The following TRIM37 variants were observed in gnomAD, a reference collection of about 807,000 sequenced individuals.
TRIM37 encodes the protein E3 ubiquitin-protein ligase TRIM37.
A neutral mutation model predicts 129.8 loss-of-function variants in TRIM37; 80 were observed. The ratio of observed to expected loss-of-function variants is 0.62; its 90% confidence interval spans 0.51 to 0.74. The LOEUF is 0.74. Among genes scored for constraint, TRIM37 ranks in the 30% least tolerant of loss-of-function variants. TRIM37 has a pLI of 0.00. For missense variants in TRIM37, 1,054 were observed against 1,176.5 expected, an observed-to-expected ratio of 0.90 and a Z score of 1.52; for synonymous variants, 389 against 387.1, an observed-to-expected ratio of 1.00 and a Z score of -0.06.
Position 59,106,857 on chromosome 17 carries a change from G to A in TRIM37, c.-396C>T, listed in dbSNP as rs892757751. On this transcript the variant is annotated 5_prime_UTR_variant, in exon 1 of 24. Coordinates refer to ENST00000262294, the MANE Select transcript of TRIM37 (RefSeq NM_015294.6). ...CACCAACCGTAACCAGAGCAGCTGG[G>A]GGCGCGGCGGCGAGAGAAGCTGCGA... is the stretch of plus-strand genomic sequence containing the variant. The A allele has an allele frequency of 2.1e-5, 7 of 340,728 alleles. No individual in the cohort carries two copies. Among genetic ancestry groups the A allele is most frequent in the South Asian group, 3.4e-5 (1 of 29,540 alleles). The allele number at this position is 340,728 out of a possible 1,614,324, so 21.1% of individuals were successfully genotyped here.
rs949962272 is a variant in TRIM37, at chr17:59,071,014, G to A, written c.685-67C>T. 115 of 1,567,760 alleles carry A rather than the reference G, an allele frequency of 7.3e-5. 2 individuals carry two copies. The Admixed American group carries it at 1.8e-3, about 24-fold the overall frequency. ...TTCACTGCCACCTCAAAATTCTTAA[G>A]AAATTACAAATTATTCTGATTATAA... On this transcript the variant is annotated intron_variant, in intron 8 of 23. Transcript: ENST00000262294.
intron 12 of TRIM37, among the ~76,000 whole-genome samples, chr17:59,057,341 A>G (rs1288256560): frequency 1.3e-5 from 2 of 152,102 alleles, no homozygotes; most frequent in Non-Finnish European, 2.9e-5. Flanking sequence ...CGGCCTACAG[A>G]GTAGCTGAGA....
chr17:59,088,220 C>G (rs780008880), intron 4 of TRIM37, 71 bp downstream of exon 4: 1 of 942,390 alleles, frequency 1.1e-6, no homozygotes, highest in African/African-American at 1.6e-5. Flanking sequence ...AAGGCAACTA[C>G]CAATATAGTG....
chr17:59,074,256 A>T (rs1031959405), intron 8 of TRIM37, among the ~76,000 whole-genome samples: 1 of 152,358 alleles, frequency 6.6e-6, no homozygotes, highest in East Asian at 1.9e-4. Flanking sequence ...GTCATTGACC[A>T]AAAGGTCATA....
rs929301857 is a variant in TRIM37, at chr17:59,031,926, G to A, written c.1918C>T (p.Arg640Cys). 23 of 1,613,834 alleles carry A rather than the reference G, an allele frequency of 1.4e-5. No homozygotes were observed. The highest frequency in any genetic ancestry group is 4.4e-5 in the South Asian group (4 of 91,066). Residue 640 changes from arginine to cysteine, a missense_variant, in exon 18 of 24, where the codon CGC becomes TGC. By Grantham distance (180) the Arg-to-Cys change is radical. Around this residue, in one of 3 missense-constraint regions of TRIM37, gnomAD observed 752 missense variants for 870.8 expected, o/e 0.86. Coordinates refer to ENST00000262294, the MANE Select transcript of TRIM37 (RefSeq NM_015294.6). Reference protein sequence around the residue: ...SIENLWGLQPRPPASLLQPTA... With the variant: ...SIENLWGLQPCPPASLLQPTA... The stretch of plus-strand genomic sequence containing the variant: ...GGCTGCAGAAGTGAAGCAGGTGGGC[G>A]AGGCTGTAAGCCCCACAAATTTTCT...
At position 59,032,146 on chromosome 17, in the gene TRIM37, A is replaced by G. The variant is rs376527772; in HGVS notation, c.1754-56T>C. The G allele has an allele frequency of 1.6e-4, 244 of 1,528,188 alleles. 5 individuals carry two copies. The South Asian group carries it at 1.8e-3, about 11-fold the overall frequency. 94.7% of individuals were successfully genotyped at this position (1,528,188 alleles called of 1,614,324 possible). On this transcript the variant is annotated intron_variant, in intron 17 of 23. Transcript: ENST00000262294. The stretch of plus-strand genomic sequence containing the variant: ...TATGCACAAACTTAGCTATACTTAA[A>G]TGAAAAAATGAACTGGTTAACATTA...
In TRIM37 at chr17:59,106,850, C is replaced by A. The variant is rs886053184; in HGVS notation, c.-389G>T. 2.0e-5 allele frequency: 7 copies of A among 358,206 alleles called. No individual in the cohort carries two copies. The highest frequency in any genetic ancestry group is 8.8e-5 in the African/African-American group (4 of 45,424). The allele number at this position is 358,206 out of a possible 1,614,324, so 22.2% of individuals were successfully genotyped here. On this transcript the variant is annotated 5_prime_UTR_variant, in exon 1 of 24. Transcript: ENST00000262294. ...TCGCAAACACCAACCGTAACCAGAG[C>A]AGCTGGGGGCGCGGCGGCGAGAGAA... is the stretch of plus-strand genomic sequence containing the variant.
In TRIM37 at chr17:59,081,088, T is replaced by C; in HGVS notation, c.492+9A>G. The C allele has an allele frequency of 1.9e-6, 3 of 1,589,668 alleles. No individual in the cohort carries two copies. Among genetic ancestry groups the C allele is most frequent in the Non-Finnish European group, 2.6e-6 (3 of 1,163,506 alleles). On this transcript the variant is annotated intron_variant, in intron 6 of 23. Transcript: ENST00000262294. ...AAACAAAATAATTATATTTTAGTAG[T>C]AGTCTTACCACTTCTTGAACTAAGC...
intron 24 of TRIM37, chr17:58,984,854 T>G (rs1221337997): frequency 1.3e-5 from 2 of 152,476 alleles, no homozygotes; most frequent in African/African-American, 4.8e-5. Flanking sequence ...CAGTTGTTTT[T>G]GAAAAGGAAA....
At chr17:58,973,437 A>G in the TRIM37 span, among the ~76,000 whole-genome samples, 3 of 151,434 alleles carry the variant, frequency 2.0e-5, no homozygotes, top group African/African-American at 2.4e-5. Flanking sequence ...AAAGAGAACC[A>G]TATCAAGAAA....
chr17:59,056,716 C>CAAGAAA (rs2040933670), intron 13 of TRIM37, among the ~76,000 whole-genome samples, 159 bp downstream of exon 13: 1 of 38,038 alleles, frequency 2.6e-5, no homozygotes, highest in East Asian at 9.0e-4. Flanking sequence ...ACTATGTCTC[C>CAAGAAA]AAAAAAAAAA....
intron 22 of TRIM37, among the ~76,000 whole-genome samples, chr17:59,005,291 C>CT (rs917161086): frequency 1.4e-4 from 21 of 149,518 alleles, no homozygotes; most frequent in East Asian, 3.9e-4. Flanking sequence ...ACATGTGTAT[C>CT]TTTTTTTTTT....
chr17:58,983,637 T>C (rs547734344), intron 24 of TRIM37: 1 of 152,770 alleles, frequency 6.5e-6, no homozygotes, highest in Admixed American at 6.5e-5. Context: ...AGTATCTATA[T>C]AATATCTATA....
At chr17:59,038,796 A>C (rs1357822101) in intron 17 of TRIM37, among the ~76,000 whole-genome samples, 1 of 152,208 alleles carries the variant, frequency 6.6e-6, no homozygotes, top group Non-Finnish European at 1.5e-5. Flanking sequence ...CCTATACTTA[A>C]AGAATAAACT....
Position 58,998,290 on chromosome 17 carries a change from C to T in TRIM37, c.*1087G>A. 2 of 985,366 alleles carry T rather than the reference C, an allele frequency of 2.0e-6. No individual in the cohort carries two copies. The highest frequency in any genetic ancestry group is 2.4e-6 in the Non-Finnish European group (2 of 829,888). The allele number at this position is 985,366 out of a possible 1,614,324, so 61.0% of individuals were successfully genotyped here. A position where few individuals can be genotyped will look rare whatever the true frequency, so the allele number is the denominator to read the frequency against. On this transcript the variant is annotated 3_prime_UTR_variant, in exon 24 of 24. Coordinates refer to ENST00000262294, the MANE Select transcript of TRIM37 (RefSeq NM_015294.6). ...TCACAGCATTCAGCAAGACATCAGA[C>T]ACGGAAGAGTGAACAATATTCACTA...
the TRIM37 span, among the ~76,000 whole-genome samples, chr17:58,971,802 GA>G: frequency 1.3e-5 from 2 of 152,188 alleles, no homozygotes; most frequent in Non-Finnish European, 2.9e-5. Flanking sequence ...GGAGGAAAAA[GA>G]ATTTCAATTC....
chr17:58,986,367 T>G (rs2031810850), intron 24 of TRIM37, among the ~76,000 whole-genome samples: 1 of 148,772 alleles, frequency 6.7e-6, no homozygotes, highest in African/African-American at 2.5e-5. Flanking sequence ...CCCAGCTCAT[T>G]TTATTATTAT....
At chr17:58,990,716 G>A (rs563893295) in intron 24 of TRIM37, among the ~76,000 whole-genome samples, 75 of 146,516 alleles carry the variant, frequency 5.1e-4, no homozygotes, top group Middle Eastern at 3.8e-3. Context: ...ACTTGAACCC[G>A]GGAGGCAGAG....
downstream of TRIM37, among the ~76,000 whole-genome samples, chr17:58,995,284 G>A (rs1260990845): frequency 6.6e-6 from 1 of 151,942 alleles, no homozygotes; most frequent in African/African-American, 2.4e-5. Flanking sequence ...TAAATATGTG[G>A]CATCCAAATC....
Sources: gnomAD v4.1 joint callset for allele counts (sites outside exome capture counted in the v4.1 genomes callset) on GRCh38, gnomAD v4.1.1 for gene constraint, gnomAD v4.1.1 regional missense constraint, MANE v1.5 for transcripts, NCBI Gene and HGNC (gene_info 2026-07-23, HGNC 2026-07-21) for gene names.